The following TFAP2D variants were observed in gnomAD, a reference collection of about 807,000 sequenced individuals.
TFAP2D encodes transcription factor AP-2-delta.
TFAP2D carries 9 observed loss-of-function variants against 43.6 expected under a neutral mutation model. That is an observed-to-expected ratio of 0.21 (90% CI 0.12 to 0.36). TFAP2D has a LOEUF of 0.36. TFAP2D is among the 10% of genes least tolerant of loss of function. The probability of loss-of-function intolerance (pLI) is 1.00; values close to 1 mark genes in which losing one functional copy is unlikely to be tolerated. For synonymous variants in TFAP2D, 256 were observed against 224.9 expected, an observed-to-expected ratio of 1.14 and a Z score of -1.24; for missense variants, 513 against 561.4, an observed-to-expected ratio of 0.91 and a Z score of 0.87.
intron 7 of TFAP2D, among the ~76,000 whole-genome samples, chr6:50,765,804 A>G (rs533155903): frequency 6.6e-6 from 1 of 152,150 alleles, no homozygotes; most frequent in South Asian, 2.1e-4. Context: ...ATTTTCTCCC[A>G]TTCCATGGGT....
intron 5 of TFAP2D, among the ~76,000 whole-genome samples, chr6:50,735,694 G>T (rs760916033): frequency 1.6e-4 from 25 of 152,120 alleles, no homozygotes; most frequent in Admixed American, 9.8e-4. Flanking sequence ...GCAGTAGAAA[G>T]AAATCCTACC....
At chr6:50,765,838 G>A (rs549968659) in intron 7 of TFAP2D, among the ~76,000 whole-genome samples, 1 of 151,830 alleles carries the variant, frequency 6.6e-6, no homozygotes, top group African/African-American at 2.4e-5. Context: ...TGTGATTGTT[G>A]CCTTTACTGT....
chr6:50,763,541 A>G (rs1056843496), intron 7 of TFAP2D, among the ~76,000 whole-genome samples: 9 of 152,298 alleles, frequency 5.9e-5, no homozygotes, highest in Admixed American at 3.3e-4. Context: ...CACTTACTTT[A>G]TTACATATCT....
intron 5 of TFAP2D, 148 bp from the exon 6 acceptor site, chr6:50,744,959 C>T (rs80066337): frequency 1.3e-5 from 12 of 935,360 alleles, no homozygotes. Context: ...CCTCCTCCCC[C>T]CAAAAAGGTC....
intron 3 of TFAP2D, among the ~76,000 whole-genome samples, chr6:50,726,353 C>T (rs865883740): frequency 6.6e-6 from 1 of 152,158 alleles, no homozygotes; most frequent in Non-Finnish European, 1.5e-5. Context: ...TATTCCCTAC[C>T]CTTAGCATCC....
rs146991562 is a variant in TFAP2D, at chr6:50,730,529, T to C, written c.883+1217T>C. 7.2e-5 allele frequency among the ~76,000 whole-genome samples: 11 copies of C among 152,200 alleles called. No individual in the cohort carries two copies. In the East Asian group the frequency reaches 1.9e-3, roughly 27 times the overall value. On this transcript the variant is annotated intron_variant, in intron 5 of 7. Transcript: ENST00000008391. ...GCAAAGTAGAAAAAAAAATGACTAA[T>C]GGATTGATTCCAAAGGGAGACAGAT... is the stretch of plus-strand genomic sequence containing the variant.
intron 7 of TFAP2D, among the ~76,000 whole-genome samples, chr6:50,757,210 C>T (rs1769277264): frequency 6.7e-6 from 1 of 148,934 alleles, no homozygotes; most frequent in African/African-American, 2.5e-5. Context: ...AGAGGATTAT[C>T]CCATTCTTTA....
intron 7 of TFAP2D, among the ~76,000 whole-genome samples, chr6:50,757,947 A>T (rs1039447274): frequency 6.7e-6 from 1 of 149,356 alleles, no homozygotes. Context: ...TCCATAGTAC[A>T]TAGCGAATAG....
chr6:50,734,189 T>G (rs1031832209), intron 5 of TFAP2D, among the ~76,000 whole-genome samples: 1 of 152,156 alleles, frequency 6.6e-6, no homozygotes, highest in African/African-American at 2.4e-5. Context: ...ATCTTGGACA[T>G]CTTAGCTCAT....
intron 7 of TFAP2D, among the ~76,000 whole-genome samples, chr6:50,761,230 A>T (rs560425132): frequency 6.7e-6 from 1 of 148,336 alleles, no homozygotes; most frequent in African/African-American, 2.5e-5. Context: ...ACACACACCA[A>T]AAAAAAAAAG....
chr6:50,757,185 A>T (rs1264437043), intron 7 of TFAP2D, among the ~76,000 whole-genome samples: 1 of 150,364 alleles, frequency 6.7e-6, no homozygotes, highest in Admixed American at 6.7e-5. Context: ...AATGGCAGGT[A>T]GTGAAAAGAT....
At chr6:50,764,642 G>T (rs1769416088) in intron 7 of TFAP2D, among the ~76,000 whole-genome samples, 1 of 152,100 alleles carries the variant, frequency 6.6e-6, no homozygotes, top group Non-Finnish European at 1.5e-5. Context: ...TGCAGAAACT[G>T]GTGTCCCCAC....
chr6:50,725,585 A>G (rs1455519812), intron 3 of TFAP2D, among the ~76,000 whole-genome samples: 3 of 152,236 alleles, frequency 2.0e-5, no homozygotes. Context: ...CATGCAACAC[A>G]AGCACCATGA....
intron 3 of TFAP2D, among the ~76,000 whole-genome samples, chr6:50,724,090 GC>G (rs2114033803): frequency 6.6e-6 from 1 of 151,942 alleles, no homozygotes; most frequent in Non-Finnish European, 1.5e-5. Flanking sequence ...AATATCTGCT[GC>G]CGTGGGGGGA....
chr6:50,766,402 C>G (rs1242153888), intron 7 of TFAP2D, among the ~76,000 whole-genome samples: 2 of 151,972 alleles, frequency 1.3e-5, no homozygotes, highest in African/African-American at 2.4e-5. Flanking sequence ...TGTGAAAATG[C>G]TGTTTAAATT....
chr6:50,719,023 C>T, intron 2 of TFAP2D, 67 bp from the exon 3 acceptor site: 5 of 1,494,540 alleles, frequency 3.3e-6, no homozygotes, highest in South Asian at 1.2e-5. Flanking sequence ...GTCTAAAAGA[C>T]TTTACCTACG....
At chr6:50,751,645 T>C (rs1769202331) in intron 7 of TFAP2D, among the ~76,000 whole-genome samples, 1 of 151,902 alleles carries the variant, frequency 6.6e-6, no homozygotes, top group Non-Finnish European at 1.5e-5. Context: ...CCCTGGGCTC[T>C]TTTATAAGGG....
intron 5 of TFAP2D, among the ~76,000 whole-genome samples, chr6:50,734,804 A>C (rs191367054): frequency 8.5e-5 from 13 of 152,210 alleles, no homozygotes; most frequent in Admixed American, 6.6e-4. Context: ...AGAAAAGATA[A>C]AAATTTTATG....
chr6:50,729,355 G>C, intron 5 of TFAP2D, 43 bp downstream of exon 5: 2 of 1,543,766 alleles, frequency 1.3e-6, no homozygotes, highest in Non-Finnish European at 1.8e-6. Flanking sequence ...GAAGGTTGGC[G>C]TGTCTTTGAA....
Sources: gnomAD v4.1 joint callset for allele counts (sites outside exome capture counted in the v4.1 genomes callset) on GRCh38, gnomAD v4.1.1 for gene constraint, MANE v1.5 for transcripts, NCBI Gene and HGNC (gene_info 2026-07-23, HGNC 2026-07-21) for gene names.